The following NGFR variants were observed in gnomAD, a reference collection of about 807,000 sequenced individuals.
NGFR encodes tumor necrosis factor receptor superfamily member 16.
Under a neutral mutation model 43.2 loss-of-function variants are expected in NGFR, and 30 were observed. The ratio of observed to expected loss-of-function variants is 0.69; its 90% CI spans 0.52 to 0.94. The LOEUF is 0.94. Among genes scored for constraint, NGFR ranks in the 40% least tolerant of loss-of-function variants. NGFR has a pLI of 0.00. For synonymous variants in NGFR, 246 were observed against 259.6 expected (o/e 0.95, Z 0.50); for missense variants, 529 against 602.5 (o/e 0.88, Z 1.28).
intron 3 of NGFR, among the ~76,000 whole-genome samples, chr17:49,509,038 TG>T (rs1189674563): frequency 6.6e-6 from 1 of 152,168 alleles, no homozygotes; most frequent in Non-Finnish European, 1.5e-5. Context: ...ATGCTCCACC[TG>T]GGGCTGCCAG....
intron 3 of NGFR, 76 bp from the exon 4 acceptor site, chr17:49,510,336 G>A (rs2071223038): frequency 1.3e-6 from 2 of 1,576,088 alleles, no homozygotes; most frequent in Admixed American, 3.4e-5. Context: ...GACACAGGAA[G>A]AACACGGCAG....
intron 4 of NGFR, among the ~76,000 whole-genome samples, 192 bp from the exon 5 acceptor site, chr17:49,511,700 C>G (rs1317992538): frequency 2.0e-5 from 3 of 152,096 alleles, no homozygotes; most frequent in Non-Finnish European, 4.4e-5. Flanking sequence ...TACAGAGGGC[C>G]CCTCTGCCCT....
intron 2 of NGFR, among the ~76,000 whole-genome samples, chr17:49,504,711 C>G (rs1040808171): frequency 4.0e-5 from 6 of 151,242 alleles, no homozygotes; most frequent in African/African-American, 1.5e-4. Flanking sequence ...AAGTCTCCCT[C>G]CAGGCCCTTC....
chr17:49,511,640 A>C (rs1183102111), intron 4 of NGFR, among the ~76,000 whole-genome samples: 2 of 151,882 alleles, frequency 1.3e-5, no homozygotes, highest in Non-Finnish European at 2.9e-5. Flanking sequence ...GGAGTTCCTG[A>C]GCAGTCACTT....
At chr17:49,508,986 C>T (rs554744168) in intron 3 of NGFR, among the ~76,000 whole-genome samples, 2 of 152,218 alleles carry the variant, frequency 1.3e-5, no homozygotes. Flanking sequence ...CCCCAGCTTG[C>T]CCAGTCCCCT....
At chr17:49,507,430 A>G (rs181143904) in intron 3 of NGFR, among the ~76,000 whole-genome samples, 11 of 152,248 alleles carry the variant, frequency 7.2e-5, no homozygotes, top group Admixed American at 7.2e-4. Context: ...TGGGGCTCAA[A>G]AGCCCGGGGA....
intron 4 of NGFR, 21 bp from the exon 5 acceptor site, chr17:49,511,871 T>C: frequency 4.4e-6 from 7 of 1,579,436 alleles, no homozygotes; most frequent in South Asian, 1.2e-5. Context: ...CCCTGAAACC[T>C]GGCCTGTCCT....
At position 49,512,141 on chromosome 17, in the gene NGFR, G is replaced by C. The variant is rs3729670; in HGVS notation, c.982+89G>C. ...ATTAGACTCCAGGAAGGACTGTCGGGGGGGCGGCAGGGCTGGCTCAGCGGT... is the reference window on the plus strand; with the variant it reads ...ATTAGACTCCAGGAAGGACTGTCGGCGGGGCGGCAGGGCTGGCTCAGCGGT... On this transcript the variant is annotated intron_variant, in intron 5 of 5. Coordinates refer to ENST00000172229, the MANE Select transcript of NGFR (RefSeq NM_002507.4). This position sits in a 1 kb window ranked among gnomAD's most constrained non-coding sequence, Gnocchi z 5.2. 3.3e-5 allele frequency: 48 copies of C among 1,471,466 alleles called. No individual in the cohort carries two copies. In the African/African-American group the frequency reaches 3.5e-4, roughly 11 times the overall value. 91.2% of individuals were successfully genotyped at this position (1,471,466 alleles called of 1,614,324 possible). A position where few individuals can be genotyped will look rare whatever the true frequency, so the allele number is the denominator to read the frequency against.
intron 3 of NGFR, among the ~76,000 whole-genome samples, chr17:49,507,230 C>A (rs1396148165): frequency 6.6e-6 from 1 of 152,158 alleles, no homozygotes; most frequent in South Asian, 2.1e-4. Flanking sequence ...CTCTGGGCCT[C>A]GGTTTCCTCA....
chr17:49,499,677 T>C (rs539907326), intron 1 of NGFR, among the ~76,000 whole-genome samples: 6 of 152,304 alleles, frequency 3.9e-5, no homozygotes, highest in African/African-American at 1.4e-4. Context: ...AACCTCTGCC[T>C]CCTGGGTTCA....
rs749613649 is a variant in NGFR, at chr17:49,512,681, C to A, written c.983-27C>A. On this transcript the variant is annotated intron_variant, in intron 5 of 5. Transcript: ENST00000172229. This position sits in a 1 kb window ranked among gnomAD's most constrained non-coding sequence, Gnocchi z 5.2. ...TGGGGAAAGGAGTTCAGGGGTAGGA[C>A]CTGACTCTCCTCTGGTTTCTCTGCA... is the stretch of plus-strand genomic sequence containing the variant. The A allele has an allele frequency of 3.2e-6, 5 of 1,551,426 alleles. No homozygotes were observed. The highest frequency in any genetic ancestry group is 4.4e-6 in the Non-Finnish European group (5 of 1,146,768).
intron 2 of NGFR, 56 bp from the exon 3 acceptor site, chr17:49,506,243 T>A (rs1399753101): frequency 7.3e-6 from 11 of 1,506,726 alleles, no homozygotes; most frequent in Non-Finnish European, 9.7e-6. Flanking sequence ...CTCCAGCTCC[T>A]GCGTCCCGGG....
At chr17:49,501,999 A>ATGGGGG in intron 1 of NGFR, 64 bp from the exon 2 acceptor site, 3 of 330,982 alleles carry the variant, frequency 9.1e-6, no homozygotes, top group Non-Finnish European at 1.8e-5. Context: ...TCCCCGGAAG[A>ATGGGGG]ACCCCCCCCA....
intron 2 of NGFR, among the ~76,000 whole-genome samples, chr17:49,505,312 G>T (rs1029464087): frequency 2.6e-5 from 4 of 152,060 alleles, no homozygotes; most frequent in Non-Finnish European, 5.9e-5. Flanking sequence ...CTAAATCTAT[G>T]CTCTTCCTGT....
Position 49,512,074 on chromosome 17 carries a change from A to G in NGFR, c.982+22A>G, listed in dbSNP as rs759491868. 1.4e-5 allele frequency: 23 copies of G among 1,607,888 alleles called. No homozygotes were observed. The highest frequency in any genetic ancestry group is 1.7e-5 in the Non-Finnish European group (20 of 1,176,974). On this transcript the variant is annotated intron_variant, in intron 5 of 5. Coordinates refer to ENST00000172229, the MANE Select transcript of NGFR (RefSeq NM_002507.4). The surrounding 1 kb of genome is among the most constrained non-coding windows in gnomAD (Gnocchi z 5.2). Reference sequence around the variant, plus strand: ...CAGGGTGAGCAGCGGCCCGCTGGGGAGCTGAGGCGGAGCTGAGGCTGAGGA... The same window carrying G: ...CAGGGTGAGCAGCGGCCCGCTGGGGGGCTGAGGCGGAGCTGAGGCTGAGGA...
At position 49,495,647 on chromosome 17, in the gene NGFR, G is replaced by A. The variant is rs577066465; in HGVS notation, c.66+164G>A. On this transcript the variant is annotated intron_variant, in intron 1 of 5. Transcript: ENST00000172229. This position sits in a 1 kb window ranked among gnomAD's most constrained non-coding sequence, Gnocchi z 6.4. Reference sequence around the variant, plus strand: ...TGCCGGGACCACGAAGGAGGGTCTAGGGTTCCCGGAGCGCAGAGGCGACTC... The same window carrying A: ...TGCCGGGACCACGAAGGAGGGTCTAAGGTTCCCGGAGCGCAGAGGCGACTC... The A allele has an allele frequency of 4.9e-5, 30 of 612,170 alleles. No individual in the cohort carries two copies. In the East Asian group the frequency reaches 8.0e-4, roughly 16 times the overall value. 37.9% of individuals were successfully genotyped at this position (612,170 alleles called of 1,614,324 possible).
intron 1 of NGFR, among the ~76,000 whole-genome samples, chr17:49,501,765 ATG>A (rs2071168011): frequency 6.6e-6 from 1 of 152,138 alleles, no homozygotes; most frequent in Admixed American, 6.5e-5. Flanking sequence ...CACCTTCCCC[ATG>A]TGGTATATCC....
At position 49,513,305 on chromosome 17, in the gene NGFR, T is replaced by G; in HGVS notation, c.*296T>G. 2 of 427,192 alleles carry G rather than the reference T, an allele frequency of 4.7e-6. No homozygotes were observed. The allele number at this position is 427,192 out of a possible 1,614,324, so 26.5% of individuals were successfully genotyped here. A position where few individuals can be genotyped will look rare whatever the true frequency, so the allele number is the denominator to read the frequency against. On this transcript the variant is annotated 3_prime_UTR_variant, in exon 6 of 6. Coordinates refer to ENST00000172229, the MANE Select transcript of NGFR (RefSeq NM_002507.4). ...CACCTGCCCCCTTCTCCCACACTGC[T>G]AGGTGGGCCAGCCCCTCCCACCACA...
Position 49,511,882 on chromosome 17 carries a change from C to T in NGFR, c.822-10C>T, listed in dbSNP as rs201225032. 6.3e-7 allele frequency: 1 copy of T among 1,596,758 alleles called. No individual in the cohort carries two copies. The highest frequency in any genetic ancestry group is 1.3e-5 in the African/African-American group (1 of 74,522). On this transcript the variant is annotated splice_polypyrimidine_tract_variant and intron_variant, in intron 4 of 5. Transcript: ENST00000172229. ...CGCCCCCTGAAACCTGGCCTGTCCT[C>T]TGGCTCCAGGTGGAACAGCTGCAAG... is the stretch of plus-strand genomic sequence containing the variant.
Sources: gnomAD v4.1 joint callset for allele counts (sites outside exome capture counted in the v4.1 genomes callset) on GRCh38, gnomAD v4.1.1 for gene constraint, Gnocchi (gnomAD v3.1) non-coding constraint, MANE v1.5 for transcripts, NCBI Gene and HGNC (gene_info 2026-07-23, HGNC 2026-07-21) for gene names.